ULK4: variants seen among roughly 807,000 people sequenced by gnomAD.
The protein encoded by ULK4 is inactive serine/threonine-protein kinase ULK4.
Under a neutral mutation model 160.6 loss-of-function variants are expected in ULK4, and 133 were observed. The ratio of observed to expected loss-of-function variants is 0.83; its 90% CI spans 0.72 to 0.96. ULK4 has a LOEUF of 0.96. Ranked by LOEUF, ULK4 falls within the 40% of genes least tolerant of loss-of-function variation. ULK4 has a pLI of 0.00. For missense variants in ULK4, 1,580 were observed against 1,499.5 expected, an observed-to-expected ratio of 1.05 and a Z score of -0.89; for synonymous variants, 534 against 539.8, an observed-to-expected ratio of 0.99 and a Z score of 0.15.
At chr3:41,569,448 A>G (rs1457073994) in intron 31 of ULK4, among the ~76,000 whole-genome samples, 2 of 152,182 alleles carry the variant, frequency 1.3e-5, no homozygotes, top group Non-Finnish European at 2.9e-5. Context: ...GCATGCTAGG[A>G]AACAGGGGTG....
At chr3:41,631,715 G>A (rs901140159) in intron 30 of ULK4, among the ~76,000 whole-genome samples, 3 of 152,052 alleles carry the variant, frequency 2.0e-5, no homozygotes, top group Non-Finnish European at 4.4e-5. Flanking sequence ...AGGCCATGGA[G>A]TGTTTCGACC....
At chr3:41,339,700 T>A (rs770327748) in intron 35 of ULK4, among the ~76,000 whole-genome samples, 3 of 152,346 alleles carry the variant, frequency 2.0e-5, no homozygotes, top group African/African-American at 2.4e-5. Flanking sequence ...TTGCCACTCT[T>A]ATACAGTAAA....
intron 11 of ULK4, among the ~76,000 whole-genome samples, chr3:41,910,488 C>G (rs755775973): frequency 6.6e-6 from 1 of 151,666 alleles, no homozygotes; most frequent in Non-Finnish European, 1.5e-5. Context: ...CAGCTACTCT[C>G]GGGAGGCTGA....
intron 34 of ULK4, among the ~76,000 whole-genome samples, chr3:41,430,342 G>C (rs757834803): frequency 5.3e-5 from 8 of 152,100 alleles, no homozygotes; most frequent in Non-Finnish European, 1.0e-4. Flanking sequence ...ATAAACTAAT[G>C]GTTCATTTAT....
chr3:41,522,786 T>TCATTC (rs2085978233), intron 32 of ULK4, among the ~76,000 whole-genome samples: 1 of 152,244 alleles, frequency 6.6e-6, no homozygotes, highest in African/African-American at 2.4e-5. Context: ...ATTTTCATTG[T>TCATTC]GTTCCAAAGC....
rs1012445203 is a variant in ULK4, at chr3:41,896,717, A to C, written c.1530+105T>G. On this transcript the variant is annotated intron_variant, in intron 15 of 36. Transcript: ENST00000301831. Reference sequence around the variant, plus strand: ...TTTTCATAAACCTAAAATCGTGATAAATCAGTTTTTTTGTGGTAGTTAAAT... The same window carrying C: ...TTTTCATAAACCTAAAATCGTGATACATCAGTTTTTTTGTGGTAGTTAAAT... 4 of 1,289,904 alleles carry C rather than the reference A, an allele frequency of 3.1e-6. No homozygotes were observed. The Admixed American group carries it at 1.0e-4, about 33-fold the overall frequency. 79.9% of individuals were successfully genotyped at this position (1,289,904 alleles called of 1,614,324 possible).
intron 18 of ULK4, among the ~76,000 whole-genome samples, chr3:41,823,471 G>C (rs967325510): frequency 2.0e-5 from 3 of 152,202 alleles, no homozygotes; most frequent in African/African-American, 7.2e-5. Flanking sequence ...CCTGAACTCA[G>C]GGTGATAGGT....
chr3:41,311,986 T>C (rs2080059945), intron 35 of ULK4, among the ~76,000 whole-genome samples: 2 of 151,860 alleles, frequency 1.3e-5, no homozygotes, highest in African/African-American at 4.8e-5. Flanking sequence ...TTTATTTTAT[T>C]TTTTAGCAGT....
Position 41,685,779 on chromosome 3 carries a change from TTC to T in ULK4, c.2782-3977_2782-3976del, listed in dbSNP as rs369561385. The stretch of plus-strand genomic sequence containing the variant: ...GCTCTTCAGAGAGTCTGTCTGGGAA[TTC>T]TCTCTCTCTCTCATGATGCTTCCTT... On this transcript the variant is annotated intron_variant, in intron 27 of 36. Coordinates refer to ENST00000301831, the MANE Select transcript of ULK4 (RefSeq NM_017886.4). Among the ~76,000 whole-genome samples, 118 of 151,434 alleles carry T rather than the reference TTC, an allele frequency of 7.8e-4. 1 individual carries two copies. In the South Asian group the frequency reaches 0.023, roughly 29 times the overall value.
intron 32 of ULK4, among the ~76,000 whole-genome samples, chr3:41,500,415 G>C (rs2085158078): frequency 2.3e-5 from 1 of 43,648 alleles, no homozygotes; most frequent in African/African-American, 4.1e-5. Context: ...GTGGGGCCAG[G>C]ATAGGAGTTC....
intron 29 of ULK4, among the ~76,000 whole-genome samples, chr3:41,679,050 T>C (rs2035830589): frequency 6.6e-6 from 1 of 152,184 alleles, no homozygotes; most frequent in Non-Finnish European, 1.5e-5. Flanking sequence ...ACATTTCATT[T>C]AAAATTTTTT....
chr3:41,872,603 C>T (rs1204472862), intron 17 of ULK4, among the ~76,000 whole-genome samples: 1 of 151,984 alleles, frequency 6.6e-6, no homozygotes, highest in Non-Finnish European at 1.5e-5. Context: ...TAGTGTGTTG[C>T]CTCCAGCTTC....
chr3:41,934,203 G>A (rs958710417), intron 4 of ULK4, among the ~76,000 whole-genome samples: 14 of 152,080 alleles, frequency 9.2e-5, no homozygotes, highest in Admixed American at 7.9e-4. Flanking sequence ...GCCACATCCA[G>A]GTATTTACAA....
intron 32 of ULK4, among the ~76,000 whole-genome samples, chr3:41,507,429 T>G (rs2085430919): frequency 6.6e-6 from 1 of 151,868 alleles, no homozygotes; most frequent in Non-Finnish European, 1.5e-5. Context: ...AAATTAAAAT[T>G]CTTTATTTCA....
At chr3:41,261,472 G>A (rs1044767895) in intron 35 of ULK4, among the ~76,000 whole-genome samples, 1 of 152,118 alleles carries the variant, frequency 6.6e-6, no homozygotes, top group Non-Finnish European at 1.5e-5. Context: ...TGAGACCACG[G>A]CATCTTCACA....
intron 30 of ULK4, among the ~76,000 whole-genome samples, chr3:41,617,132 C>G (rs2033014878): frequency 6.6e-6 from 1 of 152,200 alleles, no homozygotes; most frequent in Non-Finnish European, 1.5e-5. Context: ...CCCAATCTCC[C>G]TGGGACAGAC....
intron 34 of ULK4, among the ~76,000 whole-genome samples, chr3:41,402,136 G>A (rs1248098129): frequency 2.0e-5 from 3 of 152,060 alleles, no homozygotes; most frequent in Non-Finnish European, 4.4e-5. Flanking sequence ...TTTTACTGAG[G>A]TATAACTGAT....
intron 30 of ULK4, among the ~76,000 whole-genome samples, chr3:41,640,273 T>C (rs1169696062): frequency 1.3e-5 from 2 of 152,198 alleles, no homozygotes; most frequent in African/African-American, 2.4e-5. Context: ...GGTAGCTCTA[T>C]ACAAGTGAGT....
At chr3:41,469,539 T>C (rs533823040) in intron 32 of ULK4, among the ~76,000 whole-genome samples, 3 of 127,988 alleles carry the variant, frequency 2.3e-5, no homozygotes, top group Non-Finnish European at 4.6e-5. Context: ...TGCCTGCCCA[T>C]GGCCATCAAA....
Sources: gnomAD v4.1 joint callset for allele counts (sites outside exome capture counted in the v4.1 genomes callset) on GRCh38, gnomAD v4.1.1 for gene constraint, MANE v1.5 for transcripts, NCBI Gene and HGNC (gene_info 2026-07-23, HGNC 2026-07-21) for gene names.